Variants in ITFG1 observed in about 807,000 individuals in gnomAD.
The protein encoded by ITFG1 is integrin alpha FG-GAP repeat containing 1, also known as T-cell immunomodulatory protein.
ITFG1 carries 34 observed loss-of-function variants against 81.8 expected under a neutral mutation model. That is an observed-to-expected ratio of 0.42 (90% CI 0.32 to 0.55). The LOEUF (loss-of-function observed/expected upper bound fraction) is 0.55, where lower values mean the gene tolerates loss of function less well. ITFG1 is among the 20% of genes least tolerant of loss of function. The pLI, the probability that ITFG1 is intolerant of heterozygous loss-of-function variation, is 0.17. For synonymous variants in ITFG1, 285 were observed against 270.6 expected (o/e 1.05, Z -0.52); for missense variants, 672 against 755.4 (o/e 0.89, Z 1.29).
At chr16:47,234,604 A>G (rs1475770788) in intron 13 of ITFG1, among the ~76,000 whole-genome samples, 1 of 152,232 alleles carries the variant, frequency 6.6e-6, no homozygotes, top group Admixed American at 6.5e-5. Flanking sequence ...ATACCCAAGC[A>G]TATCATATTC....
rs867385605 is a variant in ITFG1 at position 47,379,994 on chromosome 16, G to A, written c.656-4054C>T. Among the ~76,000 whole-genome samples the A allele has an allele frequency of 2.8e-5, 4 of 142,298 alleles. 1 individual carries two copies. The Middle Eastern group carries it at 0.015, about 527-fold the overall frequency. 93.4% of individuals were successfully genotyped at this position (142,298 alleles called of 152,430 possible). On this transcript the variant is annotated intron_variant, in intron 6 of 17. Transcript: ENST00000320640. Reference sequence around the variant, plus strand: ...CAAGACAGATACAAAGGCTGAACATGATTGATCTGAAATTAAAAGCTAAAT... The same window carrying A: ...CAAGACAGATACAAAGGCTGAACATAATTGATCTGAAATTAAAAGCTAAAT...
chr16:47,430,984 T>C (rs1251059609), intron 5 of ITFG1, among the ~76,000 whole-genome samples: 2 of 152,232 alleles, frequency 1.3e-5, no homozygotes, highest in Admixed American at 6.5e-5. Context: ...TGGACTATTA[T>C]TAAGCCATAA....
At chr16:47,245,557 T>C (rs1965991024) in intron 12 of ITFG1, among the ~76,000 whole-genome samples, 1 of 152,214 alleles carries the variant, frequency 6.6e-6, no homozygotes, top group Non-Finnish European at 1.5e-5. Flanking sequence ...ATCAGCTTTA[T>C]GGACCTGGTA....
chr16:47,288,836 C>A (rs1402740458), intron 10 of ITFG1, among the ~76,000 whole-genome samples: 1 of 152,154 alleles, frequency 6.6e-6, no homozygotes, highest in Non-Finnish European at 1.5e-5. Flanking sequence ...GTGGAGGTTG[C>A]AGCGAGTCGA....
At chr16:47,420,542 T>C (rs1968932550) in intron 6 of ITFG1, among the ~76,000 whole-genome samples, 1 of 152,172 alleles carries the variant, frequency 6.6e-6, no homozygotes, top group Non-Finnish European at 1.5e-5. Context: ...AGCGTGAGGA[T>C]CATGGGGGCA....
At chr16:47,450,436 G>A (rs567723431) in intron 5 of ITFG1, 13 of 421,116 alleles carry the variant, frequency 3.1e-5, no homozygotes, top group African/African-American at 2.3e-4. Flanking sequence ...GAGATGGGGC[G>A]CGTTCAGGGT....
At chr16:47,158,721 T>C (rs1317436467) in intron 17 of ITFG1, 152 bp downstream of exon 17, 1 of 476,380 alleles carries the variant, frequency 2.1e-6, no homozygotes, top group South Asian at 3.7e-5. Context: ...GAAATTATCA[T>C]CAATAAAATG....
chr16:47,368,937 T>C (rs1167898091), intron 7 of ITFG1, among the ~76,000 whole-genome samples: 2 of 152,116 alleles, frequency 1.3e-5, no homozygotes, highest in African/African-American at 2.4e-5. Flanking sequence ...GCAGAACACA[T>C]TAGACATGTG....
intron 8 of ITFG1, among the ~76,000 whole-genome samples, chr16:47,342,724 C>G (rs971312609): frequency 6.6e-6 from 1 of 152,100 alleles, no homozygotes; most frequent in South Asian, 2.1e-4. Flanking sequence ...AATGAAAAAT[C>G]CCCCAAAAAT....
intron 13 of ITFG1, among the ~76,000 whole-genome samples, chr16:47,226,800 T>G (rs936324617): frequency 6.6e-6 from 1 of 152,126 alleles, no homozygotes; most frequent in Non-Finnish European, 1.5e-5. Context: ...TCTATTACAC[T>G]AAGCATTAAA....
intron 13 of ITFG1, among the ~76,000 whole-genome samples, chr16:47,237,022 C>T (rs1965884887): frequency 1.3e-5 from 2 of 152,190 alleles, no homozygotes; most frequent in South Asian, 4.1e-4. Flanking sequence ...CCCTCTGGCT[C>T]AGTTCGGGCC....
chr16:47,459,267 A>G, intron 1 of ITFG1, 92 bp from the exon 2 acceptor site: 1 of 835,690 alleles, frequency 1.2e-6, no homozygotes, highest in African/African-American at 1.7e-5. Flanking sequence ...ACTGTTCTCA[A>G]CAAGAAAACT....
chr16:47,228,249 T>G (rs1187471305), intron 13 of ITFG1, among the ~76,000 whole-genome samples: 1 of 152,206 alleles, frequency 6.6e-6, no homozygotes, highest in Non-Finnish European at 1.5e-5. Context: ...AATAAATCAG[T>G]TATAATCAAT....
intron 14 of ITFG1, among the ~76,000 whole-genome samples, chr16:47,183,136 C>T (rs1029976238): frequency 4.1e-4 from 62 of 152,332 alleles, no homozygotes; most frequent in African/African-American, 1.2e-3. Context: ...CCTACGCCCA[C>T]GGAGTCTCGC....
At chr16:47,168,517 C>T (rs974910932) in intron 14 of ITFG1, among the ~76,000 whole-genome samples, 5 of 151,022 alleles carry the variant, frequency 3.3e-5, no homozygotes, top group Admixed American at 6.6e-5. Context: ...GAGCACAGGC[C>T]TGTGCCACTG....
intron 10 of ITFG1, among the ~76,000 whole-genome samples, chr16:47,302,216 G>A (rs1337265363): frequency 6.6e-6 from 1 of 151,916 alleles, no homozygotes; most frequent in Non-Finnish European, 1.5e-5. Flanking sequence ...TTCTATTAAC[G>A]GAAGGGTTAC....
intron 14 of ITFG1, among the ~76,000 whole-genome samples, chr16:47,199,499 T>C (rs910924511): frequency 6.6e-6 from 1 of 152,202 alleles, no homozygotes; most frequent in Non-Finnish European, 1.5e-5. Flanking sequence ...TATGTTTAGG[T>C]ATCTTTACAT....
intron 6 of ITFG1, among the ~76,000 whole-genome samples, chr16:47,423,430 A>G (rs2151607599): frequency 6.6e-6 from 1 of 152,220 alleles, no homozygotes; most frequent in African/African-American, 2.4e-5. Context: ...TAGCCCATTT[A>G]CATTTAAGAT....
chr16:47,342,824 T>C (rs1289065338), intron 8 of ITFG1, among the ~76,000 whole-genome samples: 4 of 152,132 alleles, frequency 2.6e-5, no homozygotes, highest in African/African-American at 7.2e-5. Flanking sequence ...TTGTAAACTA[T>C]ATAACATTCC....
Sources: gnomAD v4.1 joint callset for allele counts (sites outside exome capture counted in the v4.1 genomes callset) on GRCh38, gnomAD v4.1.1 for gene constraint, MANE v1.5 for transcripts, NCBI Gene and HGNC (gene_info 2026-07-23, HGNC 2026-07-21) for gene names.